The following UACA variants were observed in gnomAD, a reference collection of about 807,000 sequenced individuals.
The protein encoded by UACA is nuclear membrane binding protein.
In UACA, 112 loss-of-function variants were observed where a neutral mutation model predicts 160.5. The ratio of observed to expected loss-of-function variants is 0.70; its 90% CI spans 0.60 to 0.82. The LOEUF is 0.82. UACA is among the 40% of genes least tolerant of loss of function. The probability of loss-of-function intolerance (pLI) is 0.00; values close to 1 mark genes in which losing one functional copy is unlikely to be tolerated. For synonymous variants in UACA, 557 were observed against 568.4 expected (o/e 0.98, Z 0.29); for missense variants, 1,574 against 1,614.6 (o/e 0.97, Z 0.43).
intron 1 of UACA, among the ~76,000 whole-genome samples, chr15:70,703,971 C>T (rs1182887529): frequency 6.6e-6 from 1 of 152,168 alleles, no homozygotes; most frequent in African/African-American, 2.4e-5. Flanking sequence ...CACTCTACCC[C>T]ACCACTCTTT....
intron 1 of UACA, among the ~76,000 whole-genome samples, chr15:70,712,024 G>A (rs1898694613): frequency 7.2e-6 from 1 of 139,782 alleles, no homozygotes; most frequent in Admixed American, 7.0e-5. Flanking sequence ...AAACACATCT[G>A]CAACCCAGGC....
At chr15:70,718,324 A>ATGTGTGTGTG (rs59313425) in intron 1 of UACA, among the ~76,000 whole-genome samples, 2,709 of 60,206 alleles carry the variant, frequency 0.045, 296 homozygotes, top group Non-Finnish European at 0.053. Context: ...GAGAGAGAGA[A>ATGTGTGTGTG]TGTGTGTGTG....
chr15:70,750,456 C>G (rs1460378089), intron 1 of UACA, among the ~76,000 whole-genome samples: 1 of 152,174 alleles, frequency 6.6e-6, no homozygotes, highest in Non-Finnish European at 1.5e-5. Flanking sequence ...ATTTCCCCTT[C>G]CCCCAGCTCT....
intron 1 of UACA, among the ~76,000 whole-genome samples, chr15:70,704,411 TA>T (rs935731232): frequency 6.6e-6 from 1 of 152,168 alleles, no homozygotes; most frequent in East Asian, 1.9e-4. Context: ...TCATGGTCGA[TA>T]AAAGATCCTT....
chr15:70,737,013 G>A (rs1899389153), intron 1 of UACA, among the ~76,000 whole-genome samples: 1 of 152,196 alleles, frequency 6.6e-6, no homozygotes, highest in African/African-American at 2.4e-5. Context: ...TAAAAGGTAT[G>A]AGGGTGTCTC....
chr15:70,674,061 C>T (rs533221838), intron 13 of UACA, among the ~76,000 whole-genome samples: 2 of 152,172 alleles, frequency 1.3e-5, no homozygotes, highest in East Asian at 1.9e-4. Context: ...GGGATTTCAC[C>T]ATGTTGCCCA....
At chr15:70,742,624 A>C (rs1023407890) in intron 1 of UACA, among the ~76,000 whole-genome samples, 1 of 152,214 alleles carries the variant, frequency 6.6e-6, no homozygotes, top group Non-Finnish European at 1.5e-5. Context: ...ATAACCAAAA[A>C]ATGAAAAATA....
chr15:70,745,224 G>A (rs1899666005), intron 1 of UACA, among the ~76,000 whole-genome samples: 1 of 152,042 alleles, frequency 6.6e-6, no homozygotes, highest in Non-Finnish European at 1.5e-5. Context: ...GAGGTCAGGA[G>A]ATCAAGACCA....
At position 70,761,122 on chromosome 15, in the gene UACA, TA is replaced by T. The variant is rs981713899; in HGVS notation, c.78+2207del. Reference sequence around the variant, plus strand: ...AATGGGGAGCCTCTATTTACAGTTTTAAAAAAAAAAGTCCAAGATATGAAAC... The same window carrying T: ...AATGGGGAGCCTCTATTTACAGTTTTAAAAAAAAAGTCCAAGATATGAAAC... On this transcript the variant is annotated intron_variant, in intron 1 of 18. Transcript: ENST00000322954. Among the ~76,000 whole-genome samples the T allele has an allele frequency of 3.1e-3, 462 of 149,728 alleles. 3 individuals are homozygous for T. Among genetic ancestry groups the T allele is most frequent in the African/African-American group, 0.01 (427 of 40,858 alleles).
intron 13 of UACA, among the ~76,000 whole-genome samples, chr15:70,675,976 T>C (rs1035291259): frequency 3.3e-5 from 5 of 152,182 alleles, no homozygotes; most frequent in Non-Finnish European, 5.9e-5. Flanking sequence ...AAATTTGTTC[T>C]TTATAAATTT....
At chr15:70,721,897 A>C (rs147577869) in intron 1 of UACA, among the ~76,000 whole-genome samples, 1 of 152,202 alleles carries the variant, frequency 6.6e-6, no homozygotes. Flanking sequence ...TAAACATTCA[A>C]TTAAAGTGGT....
intron 1 of UACA, among the ~76,000 whole-genome samples, chr15:70,754,659 G>A (rs1335184004): frequency 6.6e-6 from 1 of 152,176 alleles, no homozygotes. Flanking sequence ...TTCATCTTCT[G>A]CATATCATCT....
rs1595872626 is a variant in UACA at position 70,668,323 on chromosome 15, C to T, written c.2361G>A (p.Leu787=). The T allele has an allele frequency of 6.2e-7, 1 of 1,611,422 alleles. No individual in the cohort carries two copies. Reference sequence around the variant, plus strand: ...CATCCTTACTTAAGCTGTCATTTTCCAGTAGCAATTTCTCCATTTCCAACT... The same window carrying T: ...CATCCTTACTTAAGCTGTCATTTTCTAGTAGCAATTTCTCCATTTCCAACT... ...EKKLEMEKLL[L]ENDSLSKDVS... The change falls in exon 16 of 19, where the codon CTG becomes CTA. Residue 787 remains leucine (L), a synonymous_variant. Transcript: ENST00000322954.
intron 13 of UACA, among the ~76,000 whole-genome samples, chr15:70,673,194 A>G (rs1449020717): frequency 6.6e-6 from 1 of 152,050 alleles, no homozygotes; most frequent in Non-Finnish European, 1.5e-5. Context: ...GGATCACCTG[A>G]GCCCGGGGAG....
At chr15:70,714,358 G>C (rs1898767877) in intron 1 of UACA, among the ~76,000 whole-genome samples, 2 of 152,276 alleles carry the variant, frequency 1.3e-5, no homozygotes, top group South Asian at 4.1e-4. Flanking sequence ...AAGCTGTACA[G>C]CCAGCTTCTT....
intron 1 of UACA, among the ~76,000 whole-genome samples, chr15:70,728,390 C>T (rs1356440569): frequency 6.6e-6 from 1 of 151,740 alleles, no homozygotes; most frequent in Non-Finnish European, 1.5e-5. Flanking sequence ...ATGGAGAAAC[C>T]CCATCTCTAC....
At position 70,703,990 on chromosome 15, in the gene UACA, A is replaced by G. The variant is rs559839153; in HGVS notation, c.79-4330T>C. On this transcript the variant is annotated intron_variant, in intron 1 of 18. Coordinates refer to ENST00000322954, the MANE Select transcript of UACA (RefSeq NM_018003.4). ...CTACCCCACCACTCTTTATCCTTGC[A>G]CCGTTTTACTTTTCTGCAGGGAGCT... Among the ~76,000 whole-genome samples the G allele has an allele frequency of 1.2e-4, 19 of 152,062 alleles. 1 individual carries two copies. The South Asian group carries it at 3.9e-3, about 32-fold the overall frequency.
At chr15:70,716,043 T>G (rs956764673) in intron 1 of UACA, among the ~76,000 whole-genome samples, 1 of 152,200 alleles carries the variant, frequency 6.6e-6, no homozygotes, top group African/African-American at 2.4e-5. Flanking sequence ...AATGTGATTG[T>G]GCCACTCCTG....
chr15:70,678,283 G>T (rs1178636380), intron 10 of UACA, 77 bp from the exon 11 acceptor site: 5 of 916,952 alleles, frequency 5.5e-6, no homozygotes, highest in Non-Finnish European at 8.4e-6. Flanking sequence ...TTTAAAAGCA[G>T]TTCACTACCA....
Sources: gnomAD v4.1 joint callset for allele counts (sites outside exome capture counted in the v4.1 genomes callset) on GRCh38, gnomAD v4.1.1 for gene constraint, MANE v1.5 for transcripts, NCBI Gene and HGNC (gene_info 2026-07-23, HGNC 2026-07-21) for gene names.